CNDP2: variants seen among roughly 807,000 people sequenced by gnomAD.
CNDP2 encodes the protein cytosolic non-specific dipeptidase.
In CNDP2, 38 loss-of-function variants were observed where a neutral mutation model predicts 55.0. That is an observed-to-expected ratio of 0.69 (90% confidence interval 0.53 to 0.90). CNDP2 has a LOEUF of 0.90. CNDP2 is among the 40% of genes least tolerant of loss of function. The pLI is 0.00. For synonymous variants in CNDP2, 241 were observed against 260.2 expected (o/e 0.93, Z 0.71); for missense variants, 607 against 621.7 (o/e 0.98, Z 0.25).
Position 74,513,720 on chromosome 18 carries a change from G to A in CNDP2, c.903+1G>A, listed in dbSNP as rs201882032. On this transcript the variant is annotated splice_donor_variant, in intron 8 of 11. Transcript: ENST00000324262. LOFTEE classifies it high-confidence loss of function. ...GCAGATCCTCCTGCACAGCCACAAG[G>A]TCTGGTTCAGGGCTCGACTCTGCCA... 2.5e-6 allele frequency: 4 copies of A among 1,613,252 alleles called. No homozygotes were observed. Among genetic ancestry groups the A allele is most frequent in the East Asian group, 2.2e-5 (1 of 44,848 alleles).
chr18:74,504,571 G>A (rs1279061582), intron 3 of CNDP2, among the ~76,000 whole-genome samples: 1 of 152,254 alleles, frequency 6.6e-6, no homozygotes, highest in Non-Finnish European at 1.5e-5. Flanking sequence ...TCCTGATCCA[G>A]TTGTCATTTC....
intron 1 of CNDP2, among the ~76,000 whole-genome samples, chr18:74,498,809 C>A (rs1978537770): frequency 6.6e-6 from 1 of 152,154 alleles, no homozygotes; most frequent in Non-Finnish European, 1.5e-5. Flanking sequence ...TATAACCATT[C>A]CATGCTCTGT....
At chr18:74,513,140 T>C (rs1177126479) in intron 7 of CNDP2, among the ~76,000 whole-genome samples, 2 of 152,226 alleles carry the variant, frequency 1.3e-5, no homozygotes, top group African/African-American at 4.8e-5. Flanking sequence ...GAATGCGCAT[T>C]AAAAAGGCAC....
intron 4 of CNDP2, chr18:74,508,576 G>A (rs985886184): frequency 1.2e-5 from 5 of 430,208 alleles, no homozygotes; most frequent in East Asian, 8.0e-5. Context: ...CCAGCAGGAA[G>A]CCATGCCCCC....
At chr18:74,507,530 C>G (rs1979099427) in intron 4 of CNDP2, 1 of 153,432 alleles carries the variant, frequency 6.5e-6, no homozygotes. Flanking sequence ...CACAGAGGGT[C>G]CCTCCCCTCA....
chr18:74,508,720 G>A (rs983622287), intron 4 of CNDP2, 120 bp from the exon 5 acceptor site: 25 of 729,360 alleles, frequency 3.4e-5, no homozygotes, highest in Middle Eastern at 2.8e-4. Flanking sequence ...GCTCCTGATC[G>A]GAAGGGGAAG....
chr18:74,513,306 G>A (rs17816304), intron 7 of CNDP2, among the ~76,000 whole-genome samples: 21,575 of 152,260 alleles, frequency 0.14, 1,782 homozygotes, highest in Non-Finnish European at 0.17. Context: ...CTCATTGGCT[G>A]TTTGGCTGAT....
At chr18:74,512,562 T>G (rs763500448) in intron 7 of CNDP2, 30 bp downstream of exon 7, 2 of 1,597,504 alleles carry the variant, frequency 1.3e-6, no homozygotes, top group African/African-American at 2.7e-5. Context: ...CAGTCCGCAG[T>G]TGAGGGGAAG....
intron 3 of CNDP2, among the ~76,000 whole-genome samples, chr18:74,502,902 C>A (rs1978790247): frequency 6.6e-6 from 1 of 152,092 alleles, no homozygotes; most frequent in Non-Finnish European, 1.5e-5. Context: ...CCCAGGCCTC[C>A]TGATTCCCCA....
rs200391267 is a variant in CNDP2 at position 74,510,966 on chromosome 18, C to A, written c.610C>A (p.Pro204Thr). Reference sequence around the variant, plus strand: ...CAATTACTGGCTGGGAAAGAAGAAGCCCTGCATCACCTACGGCCTCAGGGG... The same window carrying A: ...CAATTACTGGCTGGGAAAGAAGAAGACCTGCATCACCTACGGCCTCAGGGG... Reference protein sequence around the residue: ...SDNYWLGKKKPCITYGLRGIC... With the variant: ...SDNYWLGKKKTCITYGLRGIC... Residue 204 changes from proline to threonine, a missense_variant, in exon 6 of 12, where the codon CCC (proline) becomes ACC (threonine). Transcript: ENST00000324262. 1 of 1,614,160 alleles carries A rather than the reference C, an allele frequency of 6.2e-7. No individual in the cohort carries two copies. Among genetic ancestry groups the A allele is most frequent in the East Asian group, 2.2e-5 (1 of 44,886 alleles).
At position 74,518,747 on chromosome 18, in the gene CNDP2, C is replaced by T. The variant is rs908006553; in HGVS notation, c.1210+107C>T. Reference sequence around the variant, plus strand: ...AGCTATGTCGGGGGCGCTGCTGTATCGTGGGGGCGTGTAGTTAAGTCAGCA... The same window carrying T: ...AGCTATGTCGGGGGCGCTGCTGTATTGTGGGGGCGTGTAGTTAAGTCAGCA... On this transcript the variant is annotated intron_variant, in intron 10 of 11. Coordinates refer to ENST00000324262, the MANE Select transcript of CNDP2 (RefSeq NM_018235.3). 93 of 1,486,614 alleles carry T rather than the reference C, an allele frequency of 6.3e-5. No homozygotes were observed. In the Admixed American group the frequency reaches 7.8e-4, roughly 12 times the overall value. 92.1% of individuals were successfully genotyped at this position (1,486,614 alleles called of 1,614,324 possible).
At chr18:74,512,325 G>C (rs1979397423) in intron 6 of CNDP2, 123 bp from the exon 7 acceptor site, 2 of 831,980 alleles carry the variant, frequency 2.4e-6, no homozygotes, top group South Asian at 3.7e-5. Context: ...GCTCCCTGAG[G>C]GAGCAAATTT....
chr18:74,514,093 A>G (rs1979507978), intron 8 of CNDP2, among the ~76,000 whole-genome samples: 1 of 152,208 alleles, frequency 6.6e-6, no homozygotes. Context: ...TACCTAACTT[A>G]GGGGAAAAGT....
chr18:74,513,605 C>T lies in CNDP2; in HGVS notation c.789C>T (p.Asn263=), dbSNP rs200867093. The change falls in exon 8 of 12, where the codon AAC becomes AAT. Residue 263 remains asparagine, a synonymous_variant. Transcript: ENST00000324262. ...KRGNILIPGI[N]EAVAAVTEEE... is the part of the protein sequence containing the mutation. Reference sequence around the variant, plus strand: ...GGAACATCCTGATCCCCGGCATTAACGAGGCCGTGGCCGCCGTCACGGAAG... The same window carrying T: ...GGAACATCCTGATCCCCGGCATTAATGAGGCCGTGGCCGCCGTCACGGAAG... The T allele has an allele frequency of 5.2e-4, 838 of 1,613,944 alleles. 4 individuals carry two copies. Among genetic ancestry groups the T allele is most frequent in the Non-Finnish European group, 3.0e-4 (349 of 1,180,014 alleles).
intron 1 of CNDP2, among the ~76,000 whole-genome samples, chr18:74,496,772 CGGGTTGGAGAT>C (rs932994621): frequency 7.9e-5 from 12 of 152,300 alleles, no homozygotes; most frequent in African/African-American, 2.2e-4. Flanking sequence ...TGGAACGACC[CGGGTTGGAGAT>C]GGGGTTGCGG....
chr18:74,510,246 T>A (rs1979264539), intron 5 of CNDP2, among the ~76,000 whole-genome samples: 2 of 152,216 alleles, frequency 1.3e-5, no homozygotes, highest in Admixed American at 6.5e-5. Flanking sequence ...GAGTCCTCAT[T>A]TAGGCCCTGA....
At chr18:74,515,217 C>T (rs1389360255) in intron 8 of CNDP2, among the ~76,000 whole-genome samples, 1 of 152,164 alleles carries the variant, frequency 6.6e-6, no homozygotes, top group Admixed American at 6.5e-5. Flanking sequence ...TCAGATCTCA[C>T]ATTGGGAAAG....
intron 10 of CNDP2, 43 bp downstream of exon 10, chr18:74,518,683 G>C (rs17089363): frequency 1.9e-6 from 3 of 1,612,254 alleles, no homozygotes; most frequent in Admixed American, 3.3e-5. Flanking sequence ...AGGGCCCTTC[G>C]CACGTCTGAC....
chr18:74,518,515 C>T lies in CNDP2; in HGVS notation c.1085C>T (p.Thr362Ile), dbSNP rs1031007181. 4 of 1,614,070 alleles carry T rather than the reference C, an allele frequency of 2.5e-6. No individual in the cohort carries two copies. The highest frequency in any genetic ancestry group is 3.3e-5 in the Admixed American group (2 of 60,006). ...GTGGTTTAGGTCACAAGCTACCTAA[C>T]TAAGAAGTTTGCTGAACTACGCAGC... ...VVGEQVTSYL[T>I]KKFAELRSPN... is the part of the protein sequence containing the mutation. The change falls in exon 10 of 12, where the codon ACT (threonine) becomes ATT (isoleucine). Residue 362 changes from threonine to isoleucine, a missense_variant. Transcript: ENST00000324262.
Sources: allele counts gnomAD v4.1 joint callset (sites outside exome capture counted in the v4.1 genomes callset), GRCh38; gene constraint gnomAD v4.1.1; transcripts MANE v1.5; gene names NCBI Gene and HGNC (gene_info 2026-07-23, HGNC 2026-07-21).